RANBP10: variants seen among roughly 807,000 people sequenced by gnomAD.
The protein encoded by RANBP10 is ran-binding protein 10.
In RANBP10, 24 loss-of-function variants were observed where a neutral mutation model predicts 72.8. The ratio of observed to expected loss-of-function variants is 0.33; its 90% CI spans 0.24 to 0.46. The LOEUF (loss-of-function observed/expected upper bound fraction) is 0.46, where lower values mean the gene tolerates loss of function less well. Ranked by LOEUF, RANBP10 falls within the 20% of genes least tolerant of loss-of-function variation. RANBP10 has a pLI of 1.00. For synonymous variants in RANBP10, 310 were observed against 322.3 expected (o/e 0.96, Z 0.41); for missense variants, 679 against 817.5 (o/e 0.83, Z 2.07).
In RANBP10 at chr16:67,727,370, G is replaced by T; in HGVS notation, c.1689C>A (p.Ile563=). ...SCPVGQQLDP[I]QREPVCAALN... The stretch of plus-strand genomic sequence containing the variant: ...GGGCAGCACACACAGGTTCCCTCTG[G>T]ATGGGGTCAAGCTGCTGGCCAACTG... The change falls in exon 13 of 14, where the codon ATC becomes ATA. Residue 563 remains isoleucine (I), a synonymous_variant. Coordinates refer to ENST00000317506, the MANE Select transcript of RANBP10 (RefSeq NM_020850.3). 6.2e-7 allele frequency: 1 copy of T among 1,613,766 alleles called. No individual in the cohort carries two copies. The highest frequency in any genetic ancestry group is 8.5e-7 in the Non-Finnish European group (1 of 1,179,920).
chr16:67,726,670 G>GGTACTGAACACTC, intron 13 of RANBP10, 112 bp from the exon 14 acceptor site: 4 of 1,295,480 alleles, frequency 3.1e-6, no homozygotes, highest in Non-Finnish European at 4.2e-6. Context: ...TTGGAACAGA[G>GGTACTGAACACTC]TGTTCAGTAC....
chr16:67,804,749 CA>C (rs1261710860), intron 2 of RANBP10, among the ~76,000 whole-genome samples: 1 of 151,994 alleles, frequency 6.6e-6, no homozygotes, highest in Non-Finnish European at 1.5e-5. Context: ...GGCTAGTCTC[CA>C]ACTCCTGACC....
At chr16:67,786,912 GCTAGACTCCA>G (rs1308704719) in intron 2 of RANBP10, among the ~76,000 whole-genome samples, 2 of 151,626 alleles carry the variant, frequency 1.3e-5, no homozygotes, top group Admixed American at 6.6e-5. Context: ...GGGGGATAGA[GCTAGACTCCA>G]TCTCAAAAAC....
chr16:67,777,453 G>A (rs577905872), intron 2 of RANBP10, among the ~76,000 whole-genome samples: 64 of 151,848 alleles, frequency 4.2e-4, no homozygotes, highest in African/African-American at 1.4e-3. Flanking sequence ...GGAGAATGGC[G>A]TGAACCCAGG....
At chr16:67,747,457 TGTGA>T (rs2054105139) in intron 3 of RANBP10, among the ~76,000 whole-genome samples, 1 of 152,218 alleles carries the variant, frequency 6.6e-6, no homozygotes, top group Non-Finnish European at 1.5e-5. Flanking sequence ...TTTTATGTTT[TGTGA>T]GTATTTCTTC....
chr16:67,787,858 G>T (rs757793264), intron 2 of RANBP10, among the ~76,000 whole-genome samples: 13 of 151,828 alleles, frequency 8.6e-5, no homozygotes, highest in Non-Finnish European at 1.6e-4. Flanking sequence ...ATTTTTTTTT[G>T]AGATGGAGTC....
chr16:67,734,432 C>T (rs1049297785), intron 6 of RANBP10, among the ~76,000 whole-genome samples: 3 of 152,334 alleles, frequency 2.0e-5, no homozygotes, highest in South Asian at 4.1e-4. Context: ...CCGCTATAGA[C>T]GAATGAGACT....
At chr16:67,791,222 C>T (rs1423723917) in intron 2 of RANBP10, among the ~76,000 whole-genome samples, 2 of 152,004 alleles carry the variant, frequency 1.3e-5, no homozygotes, top group Non-Finnish European at 2.9e-5. Context: ...ACCATGTTAG[C>T]CAGGCTGGTC....
In RANBP10 at chr16:67,728,514, G is replaced by T; in HGVS notation, c.1353-3C>A. On this transcript the variant is annotated splice_region_variant and splice_polypyrimidine_tract_variant and intron_variant, in intron 10 of 13. Coordinates refer to ENST00000317506, the MANE Select transcript of RANBP10 (RefSeq NM_020850.3). ...CCTCCATCTCCATCTCACTGTCGCT[G>T]TGGGGAGGGGTTGAGGTGGGAGTTG... is the stretch of plus-strand genomic sequence containing the variant. 1 of 1,614,102 alleles carries T rather than the reference G, an allele frequency of 6.2e-7. No homozygotes were observed. Among genetic ancestry groups the T allele is most frequent in the Non-Finnish European group, 8.5e-7 (1 of 1,180,028 alleles).
At chr16:67,801,610 A>G (rs573223877) in intron 2 of RANBP10, among the ~76,000 whole-genome samples, 2 of 152,152 alleles carry the variant, frequency 1.3e-5, no homozygotes, top group Non-Finnish European at 2.9e-5. Flanking sequence ...CTAGACAACC[A>G]GTTAATGCTT....
At chr16:67,792,833 T>C (rs1382178066) in intron 2 of RANBP10, among the ~76,000 whole-genome samples, 1 of 148,800 alleles carries the variant, frequency 6.7e-6, no homozygotes, top group East Asian at 2.0e-4. Context: ...CAAGTTAGGG[T>C]GCTCGTATGG....
intron 2 of RANBP10, among the ~76,000 whole-genome samples, chr16:67,801,545 G>T (rs2055235143): frequency 6.6e-6 from 1 of 152,138 alleles, no homozygotes; most frequent in Non-Finnish European, 1.5e-5. Context: ...ATGATCACCT[G>T]CTCTAGCCAC....
chr16:67,759,153 G>A (rs1003470813), intron 3 of RANBP10, among the ~76,000 whole-genome samples: 8 of 152,224 alleles, frequency 5.3e-5, no homozygotes, highest in Non-Finnish European at 1.0e-4. Flanking sequence ...TGTTCTGGAC[G>A]GCCCTGGAAA....
At chr16:67,734,759 G>A (rs1009209870) in intron 6 of RANBP10, 99 bp downstream of exon 6, 12 of 1,241,860 alleles carry the variant, frequency 9.7e-6, no homozygotes, top group Middle Eastern at 2.9e-4. Flanking sequence ...GGATCCACCC[G>A]CTGGAATTTG....
chr16:67,741,956 C>T (rs190850706), intron 4 of RANBP10, among the ~76,000 whole-genome samples: 3 of 152,212 alleles, frequency 2.0e-5, no homozygotes, highest in East Asian at 1.9e-4. Context: ...ACTGCTTTTC[C>T]GTTAAATTTT....
chr16:67,803,884 A>C (rs1200240380), intron 2 of RANBP10, among the ~76,000 whole-genome samples: 1 of 151,020 alleles, frequency 6.6e-6, no homozygotes, highest in Non-Finnish European at 1.5e-5. Context: ...GCAGCTTCCC[A>C]TGATCAGAAT....
At chr16:67,793,801 A>G (rs145911129) in intron 2 of RANBP10, among the ~76,000 whole-genome samples, 50 of 152,282 alleles carry the variant, frequency 3.3e-4, no homozygotes, top group Admixed American at 3.3e-3. Flanking sequence ...TACTATGCAC[A>G]TAATGGCCAT....
chr16:67,750,673 A>G (rs1383393026), intron 3 of RANBP10, among the ~76,000 whole-genome samples: 1 of 152,062 alleles, frequency 6.6e-6, no homozygotes, highest in East Asian at 1.9e-4. Context: ...TTCTCACACA[A>G]GGATGATCCT....
intron 2 of RANBP10, among the ~76,000 whole-genome samples, chr16:67,786,029 A>G (rs1305524209): frequency 6.6e-6 from 1 of 151,776 alleles, no homozygotes; most frequent in African/African-American, 2.4e-5. Context: ...AAAAAAAAAA[A>G]AGACATCATC....
Sources: allele counts gnomAD v4.1 joint callset (sites outside exome capture counted in the v4.1 genomes callset), GRCh38; gene constraint gnomAD v4.1.1; transcripts MANE v1.5; gene names NCBI Gene and HGNC (gene_info 2026-07-23, HGNC 2026-07-21).